Variants in RAP1B observed in about 807,000 individuals in gnomAD.
RAP1B encodes RAP1B, member of RAS oncogene family.
A neutral mutation model predicts 27.5 loss-of-function variants in RAP1B; 1 was observed. The ratio of observed to expected loss-of-function variants is 0.04; its 90% CI spans 0.01 to 0.17. The LOEUF (loss-of-function observed/expected upper bound fraction) is 0.17, where lower values mean the gene tolerates loss of function less well. Ranked by LOEUF, RAP1B falls within the 10% of genes least tolerant of loss-of-function variation. The pLI, the probability that RAP1B is intolerant of heterozygous loss-of-function variation, is 1.00. For synonymous variants in RAP1B, 75 were observed against 73.1 expected (o/e 1.03, Z -0.13); for missense variants, 84 against 214.8 (o/e 0.39, Z 3.81).
intron 1 of RAP1B, among the ~76,000 whole-genome samples, chr12:68,612,753 T>C (rs1188936057): frequency 1.3e-5 from 2 of 152,240 alleles, no homozygotes; most frequent in Non-Finnish European, 2.9e-5. Flanking sequence ...AGAGCCTGAA[T>C]GATAGTCTTA....
chr12:68,642,627 A>G (rs1399998418), intron 1 of RAP1B: 1 of 1,041,036 alleles, frequency 9.6e-7, no homozygotes, highest in African/African-American at 1.6e-5. Context: ...AATGGAATTA[A>G]GTTCTTCATC....
rs976113150 is a variant in RAP1B at position 68,660,377 on chromosome 12, T to C, written c.*1128T>C. Reference sequence around the variant, plus strand: ...GTGTCTATCCAACAGGGAGCCACAGTATTTAAATTGACCAACCTAATGTTA... The same window carrying C: ...GTGTCTATCCAACAGGGAGCCACAGCATTTAAATTGACCAACCTAATGTTA... On this transcript the variant is annotated 3_prime_UTR_variant, in exon 8 of 8. Coordinates refer to ENST00000250559, the MANE Select transcript of RAP1B (RefSeq NM_001010942.3). 3 of 151,418 alleles carry C rather than the reference T, an allele frequency of 2.0e-5. No homozygotes were observed. The highest frequency in any genetic ancestry group is 7.3e-5 in the African/African-American group (3 of 41,010). The allele number at this position is 151,418 out of a possible 1,614,324, so 9.4% of individuals were successfully genotyped here. A position where few individuals can be genotyped will look rare whatever the true frequency, so the allele number is the denominator to read the frequency against.
intron 1 of RAP1B, among the ~76,000 whole-genome samples, chr12:68,613,529 A>G (rs1419642239): frequency 6.6e-6 from 1 of 151,798 alleles, no homozygotes; most frequent in Non-Finnish European, 1.5e-5. Context: ...TTACCATTTT[A>G]TATTATTTAT....
At chr12:68,612,037 C>A (rs1304816443) in intron 1 of RAP1B, among the ~76,000 whole-genome samples, 2 of 152,170 alleles carry the variant, frequency 1.3e-5, no homozygotes, top group Admixed American at 1.3e-4. Flanking sequence ...CATTTTGGCC[C>A]TGTAACTTCT....
chr12:68,625,804 C>T (rs1294259699), intron 1 of RAP1B, among the ~76,000 whole-genome samples: 1 of 152,020 alleles, frequency 6.6e-6, no homozygotes, highest in Admixed American at 6.6e-5. Context: ...CACCTGTAGT[C>T]CTAGCTACTC....
intron 5 of RAP1B, 108 bp downstream of exon 5, chr12:68,654,360 G>GGGGT (rs879080505): frequency 1.9e-5 from 8 of 432,230 alleles, no homozygotes; most frequent in Admixed American, 4.4e-5. Flanking sequence ...TTGGGGGGGG[G>GGGGT]GTGTTGGTTT....
In RAP1B at chr12:68,666,445, C is replaced by T. The variant is rs975313529; in HGVS notation, c.*7196C>T. On this transcript the variant is annotated 3_prime_UTR_variant, in exon 8 of 8. Coordinates refer to ENST00000250559, the MANE Select transcript of RAP1B (RefSeq NM_001010942.3). ...TGTACTCTTTCACAGTTCTGAAGGT[C>T]GAAGTCCAAAATCAAAGTGTTAGGA... The T allele has an allele frequency of 6.6e-6, 1 of 152,116 alleles. No individual in the cohort carries two copies. The highest frequency in any genetic ancestry group is 2.4e-5 in the African/African-American group (1 of 41,408). 9.4% of individuals were successfully genotyped at this position (152,116 alleles called of 1,614,324 possible).
At chr12:68,648,189 CAT>C (rs1282425128) in intron 1 of RAP1B, 1 of 153,340 alleles carries the variant, frequency 6.5e-6, no homozygotes, top group African/African-American at 2.4e-5. Context: ...TCTGGGAACT[CAT>C]ATTCTTCAGT....
intron 5 of RAP1B, among the ~76,000 whole-genome samples, chr12:68,655,349 C>T (rs543693063): frequency 6.6e-6 from 1 of 151,976 alleles, no homozygotes; most frequent in African/African-American, 2.4e-5. Flanking sequence ...ACTCATTGTA[C>T]TGCAGTTTAA....
At chr12:68,632,443 T>C (rs1022743947) in intron 1 of RAP1B, among the ~76,000 whole-genome samples, 1 of 151,946 alleles carries the variant, frequency 6.6e-6, no homozygotes, top group Non-Finnish European at 1.5e-5. Flanking sequence ...CAAACAAAAA[T>C]TTTTTTTAAT....
At chr12:68,626,217 A>G (rs1303468328) in intron 1 of RAP1B, among the ~76,000 whole-genome samples, 2 of 152,204 alleles carry the variant, frequency 1.3e-5, no homozygotes, top group African/African-American at 4.8e-5. Flanking sequence ...TCTTCCATTC[A>G]TGAAAATGGG....
At chr12:68,654,366 G>A in intron 5 of RAP1B, 114 bp downstream of exon 5, 9 of 714,644 alleles carry the variant, frequency 1.3e-5, no homozygotes, top group East Asian at 3.7e-5. Context: ...GGGGGGTGTT[G>A]GTTTTTTTAA....
rs192379955 is a variant in RAP1B, at chr12:68,653,676, C to T, written c.184-436C>T. The stretch of plus-strand genomic sequence containing the variant: ...GGGCGTGGTAGTTCACGCCTGTAAT[C>T]CCAGCACTTTGGGAGGCCGAGACGG... On this transcript the variant is annotated intron_variant, in intron 4 of 7. Coordinates refer to ENST00000250559, the MANE Select transcript of RAP1B (RefSeq NM_001010942.3). 5.9e-5 allele frequency among the ~76,000 whole-genome samples: 9 copies of T among 152,228 alleles called. No individual in the cohort carries two copies. In the East Asian group the frequency reaches 1.7e-3, roughly 29 times the overall value.
chr12:68,626,949 C>A, intron 1 of RAP1B: 1 of 1,528,434 alleles, frequency 6.5e-7, no homozygotes, highest in Non-Finnish European at 9.0e-7. Flanking sequence ...TGGGATGAGC[C>A]GCTTCTCAGT....
At chr12:68,624,201 T>C (rs1288715743) in intron 1 of RAP1B, among the ~76,000 whole-genome samples, 2 of 152,230 alleles carry the variant, frequency 1.3e-5, no homozygotes, top group Admixed American at 6.5e-5. Context: ...AATGCAGTGC[T>C]GAGGGTGATG....
Position 68,660,851 on chromosome 12 carries a change from T to C in RAP1B, c.*1602T>C, listed in dbSNP as rs894789312. ...AAAAGAGGAACGATTTAACATACTT[T>C]CATGGATGTTACACTATGGATTTTT... On this transcript the variant is annotated 3_prime_UTR_variant, in exon 8 of 8. Transcript: ENST00000250559. The C allele has an allele frequency of 2.0e-5, 3 of 152,228 alleles. No individual in the cohort carries two copies. Among genetic ancestry groups the C allele is most frequent in the African/African-American group, 7.2e-5 (3 of 41,470 alleles). 9.4% of individuals were successfully genotyped at this position (152,228 alleles called of 1,614,324 possible). A position where few individuals can be genotyped will look rare whatever the true frequency, so the allele number is the denominator to read the frequency against.
At chr12:68,652,541 G>A (rs1216145621) in intron 4 of RAP1B, among the ~76,000 whole-genome samples, 1 of 152,204 alleles carries the variant, frequency 6.6e-6, no homozygotes, top group Admixed American at 6.5e-5. Flanking sequence ...TTGGCCGGGC[G>A]CAGTGGCTCA....
rs200871633 is a variant in RAP1B at position 68,640,829 on chromosome 12, C to CA, written c.-26-7861dup. Among the ~76,000 whole-genome samples, 253 of 150,602 alleles carry CA rather than the reference C, an allele frequency of 1.7e-3. 2 individuals carry two copies. The highest frequency in any genetic ancestry group is 5.9e-3 in the African/African-American group (240 of 40,976). On this transcript the variant is annotated intron_variant, in intron 1 of 7. Transcript: ENST00000250559. Reference sequence around the variant, plus strand: ...GTGTAATATAGTGAACACATTTAGACAAAAAAAAAGCTACCCCATAAGACC... The same window carrying CA: ...GTGTAATATAGTGAACACATTTAGACAAAAAAAAAAGCTACCCCATAAGACC...
rs1213302427 is a variant in RAP1B at position 68,661,150 on chromosome 12, T to TA, written c.*1902dup. ...CCCTAAATACACGCTGTTTGAATGATACATTTTTAAAGGCTTTCATGTTAA... is the reference window on the plus strand; with the variant it reads ...CCCTAAATACACGCTGTTTGAATGATAACATTTTTAAAGGCTTTCATGTTAA... On this transcript the variant is annotated 3_prime_UTR_variant, in exon 8 of 8. Coordinates refer to ENST00000250559, the MANE Select transcript of RAP1B (RefSeq NM_001010942.3). The TA allele has an allele frequency of 4.6e-5, 7 of 152,306 alleles. No homozygotes were observed. Among genetic ancestry groups the TA allele is most frequent in the African/African-American group, 1.7e-4 (7 of 41,574 alleles). The allele number at this position is 152,306 out of a possible 1,614,324, so 9.4% of individuals were successfully genotyped here.
Sources: allele counts gnomAD v4.1 joint callset (sites outside exome capture counted in the v4.1 genomes callset), GRCh38; gene constraint gnomAD v4.1.1; transcripts MANE v1.5; gene names NCBI Gene and HGNC (gene_info 2026-07-23, HGNC 2026-07-21).